Variants in CNTNAP2 observed in about 807,000 individuals in gnomAD.
CNTNAP2 encodes the protein contactin associated protein 2, also known as contactin-associated protein-like 2.
Under a neutral mutation model 155.2 loss-of-function variants are expected in CNTNAP2, and 98 were observed. The ratio of observed to expected loss-of-function variants is 0.63; its 90% CI spans 0.54 to 0.75. CNTNAP2 has a LOEUF of 0.75. CNTNAP2 is among the 30% of genes least tolerant of loss of function. The pLI, the probability that CNTNAP2 is intolerant of heterozygous loss-of-function variation, is 0.00. For missense variants in CNTNAP2, 1,727 were observed against 1,688.1 expected, an observed-to-expected ratio of 1.02 and a Z score of -0.40; for synonymous variants, 651 against 631.2, an observed-to-expected ratio of 1.03 and a Z score of -0.47.
intron 8 of CNTNAP2, among the ~76,000 whole-genome samples, chr7:147,202,950 T>C (rs1208536535): frequency 1.3e-5 from 2 of 151,540 alleles, no homozygotes; most frequent in African/African-American, 4.8e-5. Context: ...ACAACTCTTA[T>C]GTTCAAATAT....
At chr7:147,034,097 G>A (rs895584377) in intron 3 of CNTNAP2, among the ~76,000 whole-genome samples, 14 of 152,016 alleles carry the variant, frequency 9.2e-5, no homozygotes, top group Non-Finnish European at 2.1e-4. Context: ...AAAAGGAGTG[G>A]GGACTTCCTG....
chr7:146,380,885 C>T (rs1304477728), intron 1 of CNTNAP2, among the ~76,000 whole-genome samples: 2 of 145,438 alleles, frequency 1.4e-5, no homozygotes, highest in Admixed American at 6.9e-5. Context: ...GCAGGCTCCG[C>T]CCCCTGGGGT....
At chr7:146,334,217 G>C (rs1801233486) in intron 1 of CNTNAP2, among the ~76,000 whole-genome samples, 1 of 152,148 alleles carries the variant, frequency 6.6e-6, no homozygotes, top group Non-Finnish European at 1.5e-5. Flanking sequence ...AGATTAGGAG[G>C]TCAGGAGATC....
At chr7:147,880,712 A>T (rs564027149) in intron 13 of CNTNAP2, among the ~76,000 whole-genome samples, 1 of 152,294 alleles carries the variant, frequency 6.6e-6, no homozygotes, top group South Asian at 2.1e-4. Flanking sequence ...TCCAAGACAA[A>T]GGAATGACAG....
chr7:147,994,028 A>T (rs553269477), intron 15 of CNTNAP2, among the ~76,000 whole-genome samples: 2 of 152,260 alleles, frequency 1.3e-5, no homozygotes, highest in South Asian at 4.1e-4. Context: ...ATACACACAC[A>T]CACACATGCA....
At chr7:146,230,578 G>A (rs940494420) in intron 1 of CNTNAP2, among the ~76,000 whole-genome samples, 3 of 152,110 alleles carry the variant, frequency 2.0e-5, no homozygotes, top group Non-Finnish European at 2.9e-5. Flanking sequence ...TGTAGTAATT[G>A]GCTATAACTG....
intron 11 of CNTNAP2, among the ~76,000 whole-genome samples, chr7:147,517,894 C>A (rs1030865675): frequency 6.6e-6 from 1 of 152,148 alleles, no homozygotes; most frequent in Non-Finnish European, 1.5e-5. Flanking sequence ...CCATCCATTG[C>A]GTCACCATCT....
chr7:146,890,738 A>T (rs1048814984), intron 3 of CNTNAP2, among the ~76,000 whole-genome samples: 1 of 152,306 alleles, frequency 6.6e-6, no homozygotes, highest in East Asian at 1.9e-4. Flanking sequence ...AGGCTTTTAA[A>T]CATTTTGAAA....
At chr7:146,182,534 T>G (rs369729263) in intron 1 of CNTNAP2, among the ~76,000 whole-genome samples, 26 of 152,266 alleles carry the variant, frequency 1.7e-4, no homozygotes, top group African/African-American at 6.0e-4. Flanking sequence ...GATCCTCTCA[T>G]GAGTTCTTTT....
chr7:147,534,917 A>T (rs1341469477), intron 11 of CNTNAP2, among the ~76,000 whole-genome samples: 1 of 152,060 alleles, frequency 6.6e-6, no homozygotes, highest in Non-Finnish European at 1.5e-5. Context: ...GCAGAAATTC[A>T]AGTGGCACCA....
intron 1 of CNTNAP2, among the ~76,000 whole-genome samples, chr7:146,344,001 C>G (rs192135577): frequency 8.4e-4 from 128 of 151,736 alleles, no homozygotes; most frequent in African/African-American, 2.8e-3. Flanking sequence ...GTGGATATAA[C>G]CCCTGTTTAA....
intron 3 of CNTNAP2, among the ~76,000 whole-genome samples, chr7:146,974,327 A>C (rs1288962207): frequency 6.6e-6 from 1 of 151,904 alleles, no homozygotes; most frequent in Non-Finnish European, 1.5e-5. Context: ...AATCTCAGCT[A>C]CTCAGGAGGC....
chr7:146,202,073 C>T (rs1019729413), intron 1 of CNTNAP2, among the ~76,000 whole-genome samples: 1 of 152,096 alleles, frequency 6.6e-6, no homozygotes, highest in African/African-American at 2.4e-5. Flanking sequence ...AACATATTGT[C>T]TTCATTTATA....
At chr7:147,549,780 A>G (rs1242664301) in intron 11 of CNTNAP2, among the ~76,000 whole-genome samples, 2 of 152,230 alleles carry the variant, frequency 1.3e-5, no homozygotes, top group Non-Finnish European at 2.9e-5. Flanking sequence ...TGTAATCTAC[A>G]TAGAGGAGTT....
At chr7:147,361,590 C>T (rs1261057472) in intron 9 of CNTNAP2, among the ~76,000 whole-genome samples, 6 of 152,020 alleles carry the variant, frequency 3.9e-5, no homozygotes, top group African/African-American at 1.2e-4. Flanking sequence ...TATTACTTCA[C>T]AAAAAACAAC....
intron 11 of CNTNAP2, among the ~76,000 whole-genome samples, chr7:147,520,686 ACC>A (rs1388015767): frequency 6.6e-5 from 10 of 152,168 alleles, no homozygotes; most frequent in African/African-American, 2.4e-4. Context: ...AGAGCATTTG[ACC>A]CTAATGAGTG....
intron 1 of CNTNAP2, among the ~76,000 whole-genome samples, chr7:146,224,726 G>A (rs950255028): frequency 6.6e-6 from 1 of 152,100 alleles, no homozygotes. Flanking sequence ...CTGAGATCGC[G>A]CCACTGCACT....
intron 9 of CNTNAP2, among the ~76,000 whole-genome samples, chr7:147,302,627 T>C (rs1794965040): frequency 6.6e-6 from 1 of 152,208 alleles, no homozygotes; most frequent in South Asian, 2.1e-4. Flanking sequence ...TTCAAGAGAA[T>C]GAGAAATTGA....
At chr7:147,209,947 G>A (rs1584794561) in intron 8 of CNTNAP2, among the ~76,000 whole-genome samples, 1 of 151,954 alleles carries the variant, frequency 6.6e-6, no homozygotes, top group East Asian at 1.9e-4. Context: ...CTTGATTGTG[G>A]TGCATTAACT....
Sources: allele counts gnomAD v4.1 joint callset (sites outside exome capture counted in the v4.1 genomes callset), GRCh38; gene constraint gnomAD v4.1.1; transcripts MANE v1.5; gene names NCBI Gene and HGNC (gene_info 2026-07-23, HGNC 2026-07-21).